The following GRIP1 variants were observed in gnomAD, a reference collection of about 807,000 sequenced individuals.
GRIP1 encodes glutamate receptor-interacting protein 1.
Under a neutral mutation model 129.9 loss-of-function variants are expected in GRIP1, and 45 were observed. The ratio of observed to expected loss-of-function variants is 0.35; its 90% confidence interval spans 0.27 to 0.44. The LOEUF is 0.44. Among genes scored for constraint, GRIP1 ranks in the 20% least tolerant of loss-of-function variants. GRIP1 has a pLI of 1.00. For synonymous variants in GRIP1, 530 were observed against 520.8 expected, an observed-to-expected ratio of 1.02 and a Z score of -0.24; for missense variants, 1,196 against 1,396.8, an observed-to-expected ratio of 0.86 and a Z score of 2.29.
chr12:67,058,955 A>T (rs2043483776), intron 1 of GRIP1, among the ~76,000 whole-genome samples: 1 of 152,226 alleles, frequency 6.6e-6, no homozygotes, highest in Admixed American at 6.5e-5. Context: ...AAGGATTCAA[A>T]ACTCCTTGAC....
At chr12:66,941,936 T>G (rs1001140000) in intron 1 of GRIP1, among the ~76,000 whole-genome samples, 2 of 152,166 alleles carry the variant, frequency 1.3e-5, no homozygotes, top group African/African-American at 2.4e-5. Flanking sequence ...ACTAACTACA[T>G]GTCACATCTT....
intron 1 of GRIP1, among the ~76,000 whole-genome samples, chr12:66,706,126 G>A (rs2035519992): frequency 6.6e-6 from 1 of 152,150 alleles, no homozygotes; most frequent in Non-Finnish European, 1.5e-5. Flanking sequence ...GCAACCTACA[G>A]AATGGGAGAA....
At chr12:66,701,660 CAATT>C (rs2035358647) in intron 1 of GRIP1, among the ~76,000 whole-genome samples, 1 of 152,148 alleles carries the variant, frequency 6.6e-6, no homozygotes. Flanking sequence ...ATTCAGCACA[CAATT>C]AACCTCAAGT....
rs1168382882 is a variant in GRIP1, at chr12:66,445,175, G to A, written c.1541+147C>T. ...CATTACTCTTTTCAAACCTGATCAA[G>A]AACATAAAATTTTATTGTCAGAAGA... is the stretch of plus-strand genomic sequence containing the variant. On this transcript the variant is annotated intron_variant, in intron 12 of 24. Transcript: ENST00000359742. 4.0e-6 allele frequency: 3 copies of A among 751,884 alleles called. No homozygotes were observed. The African/African-American group carries it at 5.2e-5, about 13-fold the overall frequency. The allele number at this position is 751,884 out of a possible 1,614,324, so 46.6% of individuals were successfully genotyped here.
intron 1 of GRIP1, among the ~76,000 whole-genome samples, chr12:66,664,986 G>A (rs1215914436): frequency 6.6e-6 from 1 of 151,538 alleles, no homozygotes; most frequent in Non-Finnish European, 1.5e-5. Context: ...CAGAATAAAT[G>A]TTGCAATTTC....
chr12:66,361,432 A>G lies in GRIP1; in HGVS notation c.3013-7869T>C, dbSNP rs78367948. Among the ~76,000 whole-genome samples, 369 of 152,334 alleles carry G rather than the reference A, an allele frequency of 2.4e-3. 3 individuals are homozygous for G. The highest frequency in any genetic ancestry group is 7.5e-3 in the African/African-American group (312 of 41,570). ...GAGCTGAGTCCCAACCAAAAAAGTT[A>G]CACAGTTTTTAAGATCTGTGGCAGA... On this transcript the variant is annotated intron_variant, in intron 23 of 24. Transcript: ENST00000359742.
chr12:66,994,298 C>T (rs950352483), intron 1 of GRIP1, among the ~76,000 whole-genome samples: 2 of 151,322 alleles, frequency 1.3e-5, no homozygotes, highest in Non-Finnish European at 2.9e-5. Context: ...TATATCATGA[C>T]CAAGGGGAAT....
At chr12:66,495,775 A>G (rs12312548) in intron 7 of GRIP1, among the ~76,000 whole-genome samples, 16,826 of 152,188 alleles carry the variant, frequency 0.11, 1,184 homozygotes, top group East Asian at 0.22. Flanking sequence ...ACTCAGCACG[A>G]AATCGACTTT....
intron 1 of GRIP1, among the ~76,000 whole-genome samples, chr12:66,822,198 G>C (rs2039333179): frequency 6.6e-6 from 1 of 152,212 alleles, no homozygotes; most frequent in Admixed American, 6.5e-5. Flanking sequence ...CCTGGTAGAA[G>C]GTGGCTTCGC....
rs2054086064 is a variant in GRIP1 at position 66,348,668 on chromosome 12, A to C, written c.*351T>G. The C allele has an allele frequency of 3.7e-6, 1 of 268,226 alleles. No homozygotes were observed. The highest frequency in any genetic ancestry group is 5.1e-5 in the South Asian group (1 of 19,438). 16.6% of individuals were successfully genotyped at this position (268,226 alleles called of 1,614,324 possible). On this transcript the variant is annotated 3_prime_UTR_variant, in exon 25 of 25. Transcript: ENST00000359742. ...CAAAGTGAATTAAGGAAATCATCACAGAGAATATTTTCAAACAGATGTTTC... is the reference window on the plus strand; with the variant it reads ...CAAAGTGAATTAAGGAAATCATCACCGAGAATATTTTCAAACAGATGTTTC...
intron 1 of GRIP1, among the ~76,000 whole-genome samples, chr12:67,015,593 AGAGT>A (rs1032121191): frequency 6.6e-6 from 1 of 152,166 alleles, no homozygotes; most frequent in African/African-American, 2.4e-5. Flanking sequence ...TGAAATGGAG[AGAGT>A]GAGGAGGGAG....
chr12:66,891,441 G>C (rs1265086939), intron 1 of GRIP1, among the ~76,000 whole-genome samples: 2 of 152,200 alleles, frequency 1.3e-5, no homozygotes, highest in African/African-American at 2.4e-5. Flanking sequence ...CCTGGCTGCA[G>C]TCAGGAAGTA....
At chr12:66,688,274 T>C (rs1195761855) in intron 1 of GRIP1, among the ~76,000 whole-genome samples, 1 of 152,198 alleles carries the variant, frequency 6.6e-6, no homozygotes, top group Non-Finnish European at 1.5e-5. Context: ...CAGTTGTGTC[T>C]CTAAAATTCC....
intron 23 of GRIP1, among the ~76,000 whole-genome samples, chr12:66,363,410 T>G (rs1248202818): frequency 1.3e-5 from 2 of 149,410 alleles, no homozygotes; most frequent in South Asian, 2.1e-4. Context: ...CTGGCTTTTT[T>G]TTTTTTTTTA....
At chr12:66,589,900 G>A (rs1048385562) in intron 2 of GRIP1, among the ~76,000 whole-genome samples, 2 of 152,042 alleles carry the variant, frequency 1.3e-5, no homozygotes, top group African/African-American at 2.4e-5. Context: ...TTTCCTCAGT[G>A]CCAATCAAGC....
chr12:66,809,660 G>A lies in GRIP1; in HGVS notation c.59-212733C>T, dbSNP rs550879353. On this transcript the variant is annotated intron_variant, in intron 1 of 1. Coordinates refer to the GRIP1 transcript ENST00000643019. ...TGAGCACATAATTTAAACACAAAAT[G>A]TCTTTTTTTTTTTTTTTGAGACAGA... Among the ~76,000 whole-genome samples the A allele has an allele frequency of 1.7e-4, 26 of 149,100 alleles. No homozygotes were observed. The East Asian group carries it at 4.9e-3, about 28-fold the overall frequency.
chr12:66,680,037 T>C (rs958589881), upstream of GRIP1, among the ~76,000 whole-genome samples: 2 of 152,052 alleles, frequency 1.3e-5, no homozygotes, highest in Admixed American at 6.6e-5. Flanking sequence ...AAATCCAGAA[T>C]TCTCCCACAG....
rs1313809615 is a variant in GRIP1 at position 66,354,127 on chromosome 12, T to A, written c.3013-564A>T. On this transcript the variant is annotated intron_variant, in intron 23 of 24. Transcript: ENST00000359742. ...CTGAATGTGTCTCTATGACAACACC[T>A]TGCTCTGCACCTCGGCTTAACTCGC... is the stretch of plus-strand genomic sequence containing the variant. 3.3e-5 allele frequency among the ~76,000 whole-genome samples: 5 copies of A among 152,168 alleles called. No homozygotes were observed. The East Asian group carries it at 7.7e-4, about 23-fold the overall frequency.
intron 2 of GRIP1, among the ~76,000 whole-genome samples, chr12:66,577,804 A>C (rs1231669281): frequency 6.6e-6 from 1 of 152,088 alleles, no homozygotes; most frequent in Non-Finnish European, 1.5e-5. Context: ...GTTAAAAAAA[A>C]ATTAGCTGGG....
Sources: gnomAD v4.1 joint callset for allele counts (sites outside exome capture counted in the v4.1 genomes callset) on GRCh38, gnomAD v4.1.1 for gene constraint, MANE v1.5 for transcripts, NCBI Gene and HGNC (gene_info 2026-07-23, HGNC 2026-07-21) for gene names.